The following YY1AP1 variants were observed in gnomAD, a reference collection of about 807,000 sequenced individuals.
The protein encoded by YY1AP1 is YY1-associated protein 1.
In YY1AP1, 43 loss-of-function variants were observed where a neutral mutation model predicts 39.9. That is an observed-to-expected ratio of 1.08 (90% confidence interval 0.84 to 1.39). YY1AP1 has a LOEUF of 1.39. Ranked by LOEUF, YY1AP1 falls within the 40% of genes most tolerant of loss-of-function variation. The pLI is 0.00. For missense variants in YY1AP1, 813 were observed against 900.7 expected, an observed-to-expected ratio of 0.90 and a Z score of 1.25; for synonymous variants, 292 against 331.3, an observed-to-expected ratio of 0.88 and a Z score of 1.29.
rs1458626858 is a variant in YY1AP1, at chr1:155,669,294, T to A, written c.729-517A>T. Among the ~76,000 whole-genome samples, 4 of 152,324 alleles carry A rather than the reference T, an allele frequency of 2.6e-5. No homozygotes were observed. In the East Asian group the frequency reaches 7.7e-4, roughly 29 times the overall value. On this transcript the variant is annotated intron_variant, in intron 8 of 10. Transcript: ENST00000355499. ...CTCAAGTGATCCTCCTGCCTCGGCCTCCCAAAGTGTCGTCATTACAGGTGT... is the reference window on the plus strand; with the variant it reads ...CTCAAGTGATCCTCCTGCCTCGGCCACCCAAAGTGTCGTCATTACAGGTGT...
At chr1:155,678,162 T>C (rs551691156) in intron 4 of YY1AP1, among the ~76,000 whole-genome samples, 1 of 152,294 alleles carries the variant, frequency 6.6e-6, no homozygotes, top group East Asian at 1.9e-4. Context: ...TACAACTGCC[T>C]ACAGTATTCA....
Position 155,688,107 on chromosome 1 carries a change from G to T in YY1AP1, c.-57C>A, listed in dbSNP as rs768073810. Reference sequence around the variant, plus strand: ...CCGAGAGCGATGAGAGTACAGGGAAGTGAGGAAGAGGGGGTGGCCGCCAGG... The same window carrying T: ...CCGAGAGCGATGAGAGTACAGGGAATTGAGGAAGAGGGGGTGGCCGCCAGG... On this transcript the variant is annotated 5_prime_UTR_variant, in exon 2 of 11. Transcript: ENST00000355499. 1.2e-6 allele frequency: 2 copies of T among 1,609,780 alleles called. No individual in the cohort carries two copies. The highest frequency in any genetic ancestry group is 1.1e-5 in the South Asian group (1 of 90,566).
At position 155,674,871 on chromosome 1, in the gene YY1AP1, G is replaced by C. The variant is rs764784046; in HGVS notation, c.411+139C>G. The C allele has an allele frequency of 2.7e-4, 188 of 692,738 alleles. No individual in the cohort carries two copies. In the Middle Eastern group the frequency reaches 2.8e-3, roughly 10 times the overall value. 42.9% of individuals were successfully genotyped at this position (692,738 alleles called of 1,614,324 possible). ...GAATACACTCTTTGTCCTTTCATGT[G>C]AATCAGTGGCTTATGTTCACTCAGC... On this transcript the variant is annotated intron_variant, in intron 6 of 10. Transcript: ENST00000355499.
intron 2 of YY1AP1, 23 bp downstream of exon 2, chr1:155,688,048 C>T (rs1652778106): frequency 1.3e-6 from 2 of 1,551,842 alleles, no homozygotes; most frequent in Non-Finnish European, 1.7e-6. Context: ...GGCCCGAATG[C>T]CGGCCCAAAT....
Position 155,670,394 on chromosome 1 carries a change from T to A in YY1AP1, c.654A>T (p.Pro218=), listed in dbSNP as rs375210173. The change falls in exon 8 of 11, where the codon CCA becomes CCT. Residue 218 remains proline, a synonymous_variant. Transcript: ENST00000355499. ...TCAGGGAACACACTGGAAGTAACTC[T>A]GGATACATGAAAACCTTGCTTGTGG... ...ILATSKVFMY[P]ELLPVCSLKA... is the part of the protein sequence containing the mutation. The A allele has an allele frequency of 6.2e-7, 1 of 1,613,952 alleles. No homozygotes were observed.
intron 3 of YY1AP1, chr1:155,679,922 T>C: frequency 9.5e-6 from 4 of 423,142 alleles, no homozygotes; most frequent in Non-Finnish European, 1.4e-5. Context: ...ATGTGCTGGC[T>C]CACACCTGTA....
At chr1:155,672,818 T>A in intron 6 of YY1AP1, 87 bp from the exon 7 acceptor site, 1 of 1,579,262 alleles carries the variant, frequency 6.3e-7, no homozygotes, top group Non-Finnish European at 8.7e-7. Flanking sequence ...GAAGCTGACC[T>A]TCCTACTACA....
chr1:155,672,269 T>C, intron 7 of YY1AP1: 1 of 478,956 alleles, frequency 2.1e-6, no homozygotes, highest in Non-Finnish European at 3.8e-6. Context: ...TCCTAATACT[T>C]ACCCCTCATA....
chr1:155,678,138 A>G (rs1249913845), intron 4 of YY1AP1, among the ~76,000 whole-genome samples: 1 of 152,222 alleles, frequency 6.6e-6, no homozygotes, highest in African/African-American at 2.4e-5. Flanking sequence ...ATACATATGT[A>G]CTTACCATTG....
chr1:155,670,291 A>C (rs372087465), intron 8 of YY1AP1, 29 bp downstream of exon 8: 7 of 1,611,546 alleles, frequency 4.3e-6, no homozygotes, highest in Non-Finnish European at 5.9e-6. Flanking sequence ...TCTCCTTGGG[A>C]TATTTGATCC....
intron 7 of YY1AP1, among the ~76,000 whole-genome samples, chr1:155,672,062 AC>A (rs1187120907): frequency 6.6e-6 from 1 of 152,220 alleles, no homozygotes; most frequent in Admixed American, 6.5e-5. Context: ...AATACTGAAC[AC>A]GGCAAATGTA....
At chr1:155,683,010 C>T (rs112304093) in intron 2 of YY1AP1, among the ~76,000 whole-genome samples, 23 of 151,500 alleles carry the variant, frequency 1.5e-4, no homozygotes, top group African/African-American at 5.3e-4. Flanking sequence ...CGCTTGAACC[C>T]GGGAGTCGGA....
In YY1AP1 at chr1:155,667,185, C is replaced by T. The variant is rs527352008; in HGVS notation, c.879+1442G>A. ...TAGGCAGGAGAGTAAGACCTTGTCT[C>T]AAGAAAAATACAAAAACACAATGAA... is the stretch of plus-strand genomic sequence containing the variant. On this transcript the variant is annotated intron_variant, in intron 9 of 10. Transcript: ENST00000355499. Among the ~76,000 whole-genome samples, 4 of 152,092 alleles carry T rather than the reference C, an allele frequency of 2.6e-5. No individual in the cohort carries two copies. In the East Asian group the frequency reaches 7.7e-4, roughly 29 times the overall value.
chr1:155,688,585 G>C, intron 1 of YY1AP1, 74 bp downstream of exon 1: 15 of 1,536,404 alleles, frequency 9.8e-6, no homozygotes, highest in Non-Finnish European at 1.3e-5. Flanking sequence ...TCACCCACGG[G>C]AACCTCCTCG....
At chr1:155,682,620 C>G (rs1212347162) in intron 2 of YY1AP1, among the ~76,000 whole-genome samples, 1 of 151,850 alleles carries the variant, frequency 6.6e-6, no homozygotes, top group Non-Finnish European at 1.5e-5. Context: ...CTCAGCCTCC[C>G]AAAGTGCAGG....
intron 7 of YY1AP1, 189 bp from the exon 8 acceptor site, chr1:155,670,653 A>C: frequency 3.6e-6 from 2 of 554,708 alleles, no homozygotes; most frequent in Non-Finnish European, 3.1e-6. Context: ...AGGGAGTCCC[A>C]TTCACTGGCA....
At chr1:155,673,907 AT>A (rs1650221464) in intron 6 of YY1AP1, among the ~76,000 whole-genome samples, 2 of 152,026 alleles carry the variant, frequency 1.3e-5, no homozygotes, top group African/African-American at 2.4e-5. Flanking sequence ...CACGCCTGTA[AT>A]CCCAGCACTT....
chr1:155,659,541 T>C lies in YY1AP1; in HGVS notation c.*116A>G, dbSNP rs1448488419. 1 of 1,093,860 alleles carries C rather than the reference T, an allele frequency of 9.1e-7. No individual in the cohort carries two copies. Among genetic ancestry groups the C allele is most frequent in the South Asian group, 1.5e-5 (1 of 66,646 alleles). The allele number at this position is 1,093,860 out of a possible 1,614,324, so 67.8% of individuals were successfully genotyped here. ...AAAGCAAGCTGCTCAAGAGCCCCAGTTGCAAAATCTGGGGTTTAAGTACCC... is the reference window on the plus strand; with the variant it reads ...AAAGCAAGCTGCTCAAGAGCCCCAGCTGCAAAATCTGGGGTTTAAGTACCC... On this transcript the variant is annotated 3_prime_UTR_variant, in exon 11 of 11. Transcript: ENST00000355499.
chr1:155,659,589 C>T lies in YY1AP1; in HGVS notation c.*68G>A. 1.3e-6 allele frequency: 2 copies of T among 1,569,798 alleles called. No individual in the cohort carries two copies. Among genetic ancestry groups the T allele is most frequent in the Admixed American group, 3.4e-5 (2 of 58,116 alleles). Reference sequence around the variant, plus strand: ...CCCTTTAGGGGTTTCCTATTGGTTACACCCTATGCGCCACCAATCGGAGGC... The same window carrying T: ...CCCTTTAGGGGTTTCCTATTGGTTATACCCTATGCGCCACCAATCGGAGGC... On this transcript the variant is annotated 3_prime_UTR_variant, in exon 11 of 11. Transcript: ENST00000355499.
Sources: gnomAD v4.1 joint callset for allele counts (sites outside exome capture counted in the v4.1 genomes callset) on GRCh38, gnomAD v4.1.1 for gene constraint, MANE v1.5 for transcripts, NCBI Gene and HGNC (gene_info 2026-07-23, HGNC 2026-07-21) for gene names.